RPA3: variants seen among roughly 807,000 people sequenced by gnomAD.
The protein encoded by RPA3 is replication protein A 14 kDa subunit.
Under a neutral mutation model 13.7 loss-of-function variants are expected in RPA3, and 24 were observed. The observed-to-expected ratio is 1.75, with a 90% CI of 1.27 to 2.46. The LOEUF (loss-of-function observed/expected upper bound fraction) is 2.46, where lower values mean the gene tolerates loss of function less well. Among genes scored for constraint, RPA3 ranks in the 30% most tolerant of loss-of-function variants. RPA3 has a pLI of 0.00. For synonymous variants in RPA3, 59 were observed against 51.2 expected, an observed-to-expected ratio of 1.15 and a Z score of -0.65; for missense variants, 183 against 151.0, an observed-to-expected ratio of 1.21 and a Z score of -1.11.
chr7:7,643,435 G>A (rs924185757), intron 4 of RPA3, among the ~76,000 whole-genome samples: 2 of 152,246 alleles, frequency 1.3e-5, no homozygotes, highest in African/African-American at 4.8e-5. Flanking sequence ...TCAGGGCCGG[G>A]CGCGGTGGCT....
intron 2 of RPA3, among the ~76,000 whole-genome samples, chr7:7,706,087 T>C (rs1239176223): frequency 6.6e-6 from 1 of 152,236 alleles, no homozygotes; most frequent in Non-Finnish European, 1.5e-5. Context: ...GAAGTCACCA[T>C]TCAAAGTTAT....
At chr7:7,701,237 C>T (rs960422651) in intron 2 of RPA3, among the ~76,000 whole-genome samples, 1 of 152,138 alleles carries the variant, frequency 6.6e-6, no homozygotes, top group African/African-American at 2.4e-5. Context: ...TCCTCTCTAA[C>T]TGTGGGGCTT....
intron 2 of RPA3, among the ~76,000 whole-genome samples, chr7:7,700,204 C>T (rs1489583523): frequency 6.6e-6 from 1 of 152,158 alleles, no homozygotes. Flanking sequence ...GGCCTTCTTT[C>T]TGTTCATAGA....
At position 7,673,364 on chromosome 7, in the gene RPA3, CA is replaced by C. The variant is rs746607382; in HGVS notation, c.-758+12465del. Reference sequence around the variant, plus strand: ...GCAGCAGCAGCAGCAGCAGCAGCAGCAGCAGCAATGTTTCACTTCTTCAGAA... The same window carrying C: ...GCAGCAGCAGCAGCAGCAGCAGCAGCGCAGCAATGTTTCACTTCTTCAGAA... On this transcript the variant is annotated intron_variant, in intron 4 of 7. Coordinates refer to ENST00000223129, the MANE Select transcript of RPA3 (RefSeq NM_002947.5). 6.9e-5 allele frequency: 73 copies of C among 1,061,436 alleles called. No individual in the cohort carries two copies. The African/African-American group carries it at 1.1e-3, about 16-fold the overall frequency. The allele number at this position is 1,061,436 out of a possible 1,614,324, so 65.8% of individuals were successfully genotyped here. A position where few individuals can be genotyped will look rare whatever the true frequency, so the allele number is the denominator to read the frequency against.
intron 2 of RPA3, among the ~76,000 whole-genome samples, chr7:7,687,776 A>T (rs1780075052): frequency 6.6e-6 from 1 of 152,250 alleles, no homozygotes; most frequent in Non-Finnish European, 1.5e-5. Flanking sequence ...AGTATTAAAT[A>T]CATGATATTC....
intron 2 of RPA3, among the ~76,000 whole-genome samples, chr7:7,694,224 G>A (rs542186568): frequency 7.5e-4 from 114 of 151,958 alleles, no homozygotes; most frequent in African/African-American, 2.6e-3. Context: ...GTACTTATTG[G>A]TAACTTTTTA....
At chr7:7,714,385 T>G (rs928123992) in intron 2 of RPA3, among the ~76,000 whole-genome samples, 5 of 152,268 alleles carry the variant, frequency 3.3e-5, no homozygotes, top group African/African-American at 9.6e-5. Flanking sequence ...ATGTACTTGT[T>G]TATTATAATT....
At chr7:7,692,817 C>G (rs752081785) in intron 2 of RPA3, among the ~76,000 whole-genome samples, 4 of 152,172 alleles carry the variant, frequency 2.6e-5, no homozygotes, top group Non-Finnish European at 5.9e-5. Context: ...CCATGTTGGT[C>G]AGGATGGTCT....
intron 2 of RPA3, among the ~76,000 whole-genome samples, chr7:7,714,352 T>C (rs1240785119): frequency 6.6e-6 from 1 of 152,248 alleles, no homozygotes; most frequent in Non-Finnish European, 1.5e-5. Context: ...TGCTGAAGTG[T>C]CAAGCTGTTT....
intron 4 of RPA3, among the ~76,000 whole-genome samples, chr7:7,651,775 C>T (rs1028048406): frequency 6.6e-6 from 1 of 152,128 alleles, no homozygotes; most frequent in Non-Finnish European, 1.5e-5. Flanking sequence ...TTGGGTCTTC[C>T]GAGACTCAGA....
intron 4 of RPA3, among the ~76,000 whole-genome samples, chr7:7,684,206 A>G (rs1257940141): frequency 2.8e-5 from 4 of 144,842 alleles, no homozygotes; most frequent in Non-Finnish European, 4.6e-5. Context: ...CACAGATGCA[A>G]TTTTTTTTTT....
intron 2 of RPA3, among the ~76,000 whole-genome samples, chr7:7,687,856 A>G (rs1780076681): frequency 2.6e-5 from 4 of 152,338 alleles, no homozygotes; most frequent in Middle Eastern, 3.4e-3. Context: ...TTCTAAGTCA[A>G]ATAACTAAGC....
chr7:7,641,033 G>C lies in RPA3; in HGVS notation c.-615C>G, dbSNP rs895879129. 1.3e-5 allele frequency: 2 copies of C among 152,790 alleles called. No homozygotes were observed. Among genetic ancestry groups the C allele is most frequent in the African/African-American group, 4.8e-5 (2 of 41,432 alleles). 9.5% of individuals were successfully genotyped at this position (152,790 alleles called of 1,614,324 possible). A position where few individuals can be genotyped will look rare whatever the true frequency, so the allele number is the denominator to read the frequency against. On this transcript the variant is annotated 5_prime_UTR_variant, in exon 5 of 8. Coordinates refer to ENST00000223129, the MANE Select transcript of RPA3 (RefSeq NM_002947.5). ...GCGGAATGATACGTGGTGTGGCGTC[G>C]GGGTTGTGATACCCGCCCCCTTGGA... is the stretch of plus-strand genomic sequence containing the variant.
chr7:7,670,056 A>G (rs1779567216), intron 4 of RPA3, among the ~76,000 whole-genome samples: 1 of 152,170 alleles, frequency 6.6e-6, no homozygotes, highest in Non-Finnish European at 1.5e-5. Flanking sequence ...TTGATGTTTT[A>G]GGTCATTAAA....
chr7:7,640,879 CAG>C lies in RPA3; in HGVS notation c.-463_-462del, dbSNP rs749504368. ...ACTGTTTCCCCATTCTTCCCGCGAA[CAG>C]AGTCAAAAGAGCTAGGCGGGAGTCG... is the stretch of plus-strand genomic sequence containing the variant. On this transcript the variant is annotated 5_prime_UTR_variant, in exon 5 of 8. It removes the in-frame stop codon of an upstream open reading frame in the 5' UTR. Coordinates refer to ENST00000223129, the MANE Select transcript of RPA3 (RefSeq NM_002947.5). The C allele has an allele frequency of 1.1e-5, 2 of 180,600 alleles. No individual in the cohort carries two copies. Among genetic ancestry groups the C allele is most frequent in the South Asian group, 8.9e-5 (1 of 11,292 alleles). 11.2% of individuals were successfully genotyped at this position (180,600 alleles called of 1,614,324 possible). A position where few individuals can be genotyped will look rare whatever the true frequency, so the allele number is the denominator to read the frequency against.
intron 4 of RPA3, among the ~76,000 whole-genome samples, chr7:7,649,462 C>T (rs1218183582): frequency 1.3e-5 from 2 of 152,194 alleles, no homozygotes; most frequent in Non-Finnish European, 2.9e-5. Context: ...GCTCTCAACA[C>T]TGTTGCATTG....
intron 6 of RPA3, 149 bp from the exon 7 acceptor site, chr7:7,638,121 G>A: frequency 3.8e-6 from 2 of 522,670 alleles, no homozygotes; most frequent in South Asian, 2.9e-5. Flanking sequence ...AATGTAACTT[G>A]TTAACAAATG....
At chr7:7,680,441 G>C (rs958210713) in intron 4 of RPA3, among the ~76,000 whole-genome samples, 5 of 152,040 alleles carry the variant, frequency 3.3e-5, no homozygotes, top group Non-Finnish European at 5.9e-5. Flanking sequence ...AGTTACTATA[G>C]CTTTTTAGTA....
At chr7:7,707,346 C>T (rs1396466362) in intron 2 of RPA3, among the ~76,000 whole-genome samples, 5 of 152,114 alleles carry the variant, frequency 3.3e-5, no homozygotes, top group Non-Finnish European at 5.9e-5. Context: ...AAATTTGTAA[C>T]TACGGTACTT....
Sources: allele counts gnomAD v4.1 joint callset (sites outside exome capture counted in the v4.1 genomes callset), GRCh38; gene constraint gnomAD v4.1.1; transcripts MANE v1.5; gene names NCBI Gene and HGNC (gene_info 2026-07-23, HGNC 2026-07-21).